FAT2: variants seen among roughly 807,000 people sequenced by gnomAD.
FAT2 encodes FAT atypical cadherin 2.
FAT2 carries 150 observed loss-of-function variants against 295.3 expected under a neutral mutation model. That is an observed-to-expected ratio of 0.51 (90% confidence interval 0.44 to 0.58). The LOEUF (loss-of-function observed/expected upper bound fraction) is 0.58, where lower values mean the gene tolerates loss of function less well. FAT2 is among the 20% of genes least tolerant of loss of function. The pLI, the probability that FAT2 is intolerant of heterozygous loss-of-function variation, is 0.00. For synonymous variants in FAT2, 2,026 were observed against 2,150.3 expected, an observed-to-expected ratio of 0.94 and a Z score of 1.60; for missense variants, 4,868 against 5,442.7, an observed-to-expected ratio of 0.89 and a Z score of 3.32.
At position 151,589,290 on chromosome 5, in the gene FAT2, C is replaced by T. The variant is rs542290683; in HGVS notation, c.-21+1875G>A. Among the ~76,000 whole-genome samples the T allele has an allele frequency of 4.9e-4, 75 of 152,328 alleles. 1 individual carries two copies. The highest frequency in any genetic ancestry group is 8.2e-4 in the Non-Finnish European group (56 of 68,026). ...AATGCCTGCCTGACAGCCTCTCCCA[C>T]CTGGCCTTAACTGGCCAGCACCAGG... On this transcript the variant is annotated intron_variant, in intron 1 of 23. Transcript: ENST00000261800.
intron 14 of FAT2, among the ~76,000 whole-genome samples, chr5:151,530,123 C>G (rs1264149198): frequency 1.3e-5 from 2 of 151,926 alleles, no homozygotes; most frequent in Non-Finnish European, 2.9e-5. Flanking sequence ...GCAAAGCCTG[C>G]TAAAACCATT....
chr5:151,587,387 A>G (rs1044742967), intron 1 of FAT2, among the ~76,000 whole-genome samples: 1 of 152,038 alleles, frequency 6.6e-6, no homozygotes, highest in Non-Finnish European at 1.5e-5. Context: ...CTCTCAGACC[A>G]TGTCTCCAGG....
intron 12 of FAT2, among the ~76,000 whole-genome samples, chr5:151,536,530 G>T (rs1379186015): frequency 6.6e-6 from 1 of 152,036 alleles, no homozygotes; most frequent in African/African-American, 2.4e-5. Flanking sequence ...AGCAGGGCAG[G>T]AATCCCTCCT....
At chr5:151,530,097 A>G (rs1754425221) in intron 14 of FAT2, among the ~76,000 whole-genome samples, 1 of 152,346 alleles carries the variant, frequency 6.6e-6, no homozygotes, top group South Asian at 2.1e-4. Flanking sequence ...AGGTATATCT[A>G]TCTAGGAAAT....
upstream of FAT2, among the ~76,000 whole-genome samples, chr5:151,592,809 G>T (rs1164080207): frequency 6.6e-6 from 1 of 152,174 alleles, no homozygotes. Context: ...GTGTCTAGAA[G>T]TTTAGCCTGG....
At chr5:151,586,713 T>C (rs549713021) in intron 1 of FAT2, among the ~76,000 whole-genome samples, 163 of 152,346 alleles carry the variant, frequency 1.1e-3, no homozygotes, top group African/African-American at 3.8e-3. Context: ...AAATACTTTC[T>C]GAATTCTTTC....
At chr5:151,518,060 G>A (rs1029234544) in intron 19 of FAT2, among the ~76,000 whole-genome samples, 1 of 152,174 alleles carries the variant, frequency 6.6e-6, no homozygotes, top group African/African-American at 2.4e-5. Context: ...TCCAGGTGAG[G>A]TGGCTCATGC....
intron 12 of FAT2, 77 bp downstream of exon 12, chr5:151,537,716 G>T: frequency 7.1e-7 from 1 of 1,412,578 alleles, no homozygotes; most frequent in Non-Finnish European, 9.6e-7. Context: ...TCTTCTCCAA[G>T]GAGAATACCA....
chr5:151,520,514 A>G (rs1259904068), intron 19 of FAT2, among the ~76,000 whole-genome samples: 1 of 152,244 alleles, frequency 6.6e-6, no homozygotes, highest in African/African-American at 2.4e-5. Flanking sequence ...TGTGGCGTAC[A>G]GCAGGCTCCC....
chr5:151,519,069 C>G (rs752828664), intron 19 of FAT2, among the ~76,000 whole-genome samples: 1 of 152,218 alleles, frequency 6.6e-6, no homozygotes, highest in Non-Finnish European at 1.5e-5. Context: ...TCCAGCTGGA[C>G]GCAGTGGCTC....
chr5:151,553,904 C>G (rs1010845925), intron 5 of FAT2, among the ~76,000 whole-genome samples: 3 of 152,220 alleles, frequency 2.0e-5, no homozygotes, highest in African/African-American at 7.2e-5. Context: ...AAATGCTTGG[C>G]TAGCAATGAG....
intron 10 of FAT2, among the ~76,000 whole-genome samples, 173 bp downstream of exon 10, chr5:151,542,112 A>C (rs1177823667): frequency 6.6e-6 from 1 of 152,248 alleles, no homozygotes; most frequent in Non-Finnish European, 1.5e-5. Context: ...GTGAATGAGA[A>C]CATGCATGCC....
In FAT2 at chr5:151,521,921, G is replaced by A. The variant is rs562647878; in HGVS notation, c.10672C>T (p.Arg3558Ter). The A allele has an allele frequency of 3.7e-6, 6 of 1,613,902 alleles. No individual in the cohort carries two copies. Among genetic ancestry groups the A allele is most frequent in the Non-Finnish European group, 5.1e-6 (6 of 1,179,808 alleles). ...TAGGTCAGCGTGTCCTGGGGGTCTC[G>A]GTCTGTGGCATGGATCTTACCCACC... Reference protein sequence around the residue: ...GMVGKIHATDRDPQDTLTYSL... With the variant: ...GMVGKIHATD Residue 3558 changes from arginine (R) to a stop codon, truncating the protein, a stop_gained, in exon 19 of 24, where the codon CGA (arginine) becomes TGA (stop). Transcript: ENST00000261800. LOFTEE classifies it high-confidence loss of function.
chr5:151,532,150 C>A (rs1754701890), intron 13 of FAT2, among the ~76,000 whole-genome samples, 180 bp from the exon 14 acceptor site: 1 of 152,152 alleles, frequency 6.6e-6, no homozygotes, highest in African/African-American at 2.4e-5. Flanking sequence ...GGCAGGGAGA[C>A]CCAAGGCCTC....
chr5:151,533,438 G>A (rs57140362), intron 13 of FAT2, among the ~76,000 whole-genome samples: 3 of 99,064 alleles, frequency 3.0e-5, no homozygotes, highest in Non-Finnish European at 4.5e-5. Context: ...ACACACACAC[G>A]CTTTCCAGGT....
At position 151,531,442 on chromosome 5, in the gene FAT2, A is replaced by AT. The variant is rs1754585882; in HGVS notation, c.9811+144_9811+145insA. 3 of 1,164,560 alleles carry AT rather than the reference A, an allele frequency of 2.6e-6. No homozygotes were observed. The highest frequency in any genetic ancestry group is 2.4e-6 in the Non-Finnish European group (2 of 836,280). 72.1% of individuals were successfully genotyped at this position (1,164,560 alleles called of 1,614,324 possible). A position where few individuals can be genotyped will look rare whatever the true frequency, so the allele number is the denominator to read the frequency against. On this transcript the variant is annotated intron_variant, in intron 14 of 23. Transcript: ENST00000261800. This position sits in a 1 kb window ranked among gnomAD's most constrained non-coding sequence, Gnocchi z 5.7. ...GGAAGGAGGGACCTGGTACTCGGAG[A>AT]GAAGCAGAAGAGAATGGAGAAACGA...
chr5:151,537,113 C>G (rs1755403132), intron 12 of FAT2, among the ~76,000 whole-genome samples: 1 of 151,242 alleles, frequency 6.6e-6, no homozygotes, highest in African/African-American at 2.4e-5. Context: ...GTTCTGCTGT[C>G]AAATATTCCC....
chr5:151,512,717 G>GT lies in FAT2; in HGVS notation c.11464-112dup. The GT allele has an allele frequency of 1.0e-6, 1 of 998,428 alleles. No homozygotes were observed. The highest frequency in any genetic ancestry group is 1.7e-5 in the South Asian group (1 of 59,618). The allele number at this position is 998,428 out of a possible 1,614,324, so 61.8% of individuals were successfully genotyped here. ...TTGTATTTTTATGGGTAGGAGGGGGGTGTTTGGCTGTTTTAGACATGGCAT... is the reference window on the plus strand; with the variant it reads ...TTGTATTTTTATGGGTAGGAGGGGGGTTGTTTGGCTGTTTTAGACATGGCAT... On this transcript the variant is annotated intron_variant, in intron 20 of 23. Coordinates refer to ENST00000261800, the MANE Select transcript of FAT2 (RefSeq NM_001447.3). The surrounding 1 kb of genome is among the most constrained non-coding windows in gnomAD (Gnocchi z 4.1).
At position 151,563,642 on chromosome 5, in the gene FAT2, A is replaced by G. The variant is rs2127642563; in HGVS notation, c.3260-3T>C. The G allele has an allele frequency of 1.2e-6, 2 of 1,609,546 alleles. No individual in the cohort carries two copies. Among genetic ancestry groups the G allele is most frequent in the Non-Finnish European group, 1.7e-6 (2 of 1,178,854 alleles). On this transcript the variant is annotated splice_region_variant and splice_polypyrimidine_tract_variant and intron_variant, in intron 2 of 23. Transcript: ENST00000261800. The stretch of plus-strand genomic sequence containing the variant: ...GGGTGCCAGAGTCTGAATCATTCCT[A>G]GGGACAGTAAGTCAGCAAACCCAAA...
Sources: gnomAD v4.1 joint callset for allele counts (sites outside exome capture counted in the v4.1 genomes callset) on GRCh38, gnomAD v4.1.1 for gene constraint, Gnocchi (gnomAD v3.1) non-coding constraint, MANE v1.5 for transcripts, NCBI Gene and HGNC (gene_info 2026-07-23, HGNC 2026-07-21) for gene names.